SLC27A4: variants seen among roughly 807,000 people sequenced by gnomAD.
SLC27A4 encodes long-chain fatty acid transport protein 4.
Under a neutral mutation model 64.4 loss-of-function variants are expected in SLC27A4, and 33 were observed. That is an observed-to-expected ratio of 0.51 (90% CI 0.39 to 0.68). The LOEUF is 0.68. Among genes scored for constraint, SLC27A4 ranks in the 30% least tolerant of loss-of-function variants. SLC27A4 has a pLI of 0.00. For missense variants in SLC27A4, 824 were observed against 883.5 expected, an observed-to-expected ratio of 0.93 and a Z score of 0.85; for synonymous variants, 377 against 370.0, an observed-to-expected ratio of 1.02 and a Z score of -0.22.
intron 7 of SLC27A4, 31 bp downstream of exon 7, chr9:128,352,778 C>T: frequency 1.3e-6 from 2 of 1,527,738 alleles, no homozygotes; most frequent in African/African-American, 1.4e-5. Context: ...TGAGCTGTCC[C>T]TTTCCCCTAG....
Position 128,355,504 on chromosome 9 carries a change from C to T in SLC27A4, c.1569C>T (p.Gly523=), listed in dbSNP as rs746482901. 2.5e-6 allele frequency: 4 copies of T among 1,613,298 alleles called. No individual in the cohort carries two copies. In the East Asian group the frequency reaches 8.9e-5, roughly 36 times the overall value. Residue 523 remains glycine, a synonymous_variant, in exon 11 of 13, where the codon GGC becomes GGT. Coordinates refer to ENST00000300456, the MANE Select transcript of SLC27A4 (RefSeq NM_005094.4). ...ACGTGTCCACCACCGAGGTGGAAGG[C>T]ACACTCAGCCGCCTGCTGGACATGG... ...GENVSTTEVE[G]TLSRLLDMAD... is the part of the protein sequence containing the mutation.
chr9:128,352,175 A>G (rs1296022653), intron 6 of SLC27A4, among the ~76,000 whole-genome samples: 3 of 151,788 alleles, frequency 2.0e-5, no homozygotes, highest in African/African-American at 7.3e-5. Context: ...AGGCTGGGCG[A>G]CAGAGCGAGA....
At position 128,352,724 on chromosome 9, in the gene SLC27A4, G is replaced by A. The variant is rs772605722; in HGVS notation, c.964G>A (p.Asp322Asn). 1.1e-5 allele frequency: 17 copies of A among 1,613,868 alleles called. No homozygotes were observed. Among genetic ancestry groups the A allele is most frequent in the Admixed American group, 1.7e-5 (1 of 60,026 alleles). The change falls in exon 7 of 13, where the codon GAT becomes AAT. Residue 322 changes from aspartate to asparagine, a missense_variant. Transcript: ENST00000300456. ...KKFSASRFWDDCIKYNCTIVQ... is the reference protein window; with the variant it reads ...KKFSASRFWDNCIKYNCTIVQ... ...GTTCTCAGCCTCCCGGTTCTGGGAC[G>A]ATTGTATCAAGTACAACTGCACGGT... is the stretch of plus-strand genomic sequence containing the variant.
In SLC27A4 at chr9:128,350,595, A is replaced by G. The variant is rs1242031927; in HGVS notation, c.877+20A>G. 1.3e-6 allele frequency: 2 copies of G among 1,586,178 alleles called. No individual in the cohort carries two copies. The highest frequency in any genetic ancestry group is 8.6e-7 in the Non-Finnish European group (1 of 1,159,448). On this transcript the variant is annotated intron_variant, in intron 6 of 12. Coordinates refer to ENST00000300456, the MANE Select transcript of SLC27A4 (RefSeq NM_005094.4). Reference sequence around the variant, plus strand: ...CAGCAGGTAACTCTAGGGCTGTCACACAGCCTCCAGCACCTGCCAGGTCTC... The same window carrying G: ...CAGCAGGTAACTCTAGGGCTGTCACGCAGCCTCCAGCACCTGCCAGGTCTC...
chr9:128,354,960 A>AG (rs1267602166), intron 9 of SLC27A4, 93 bp from the exon 10 acceptor site: 5 of 1,295,430 alleles, frequency 3.9e-6, no homozygotes, highest in Admixed American at 5.6e-5. Context: ...TCTCAAAAAA[A>AG]AAAAAAAAAA....
At chr9:128,344,952 G>A (rs577738452) in intron 2 of SLC27A4, among the ~76,000 whole-genome samples, 1 of 152,170 alleles carries the variant, frequency 6.6e-6, no homozygotes, top group East Asian at 1.9e-4. Context: ...TGTGTAAGGG[G>A]AGGGGAATCA....
chr9:128,341,261 C>T (rs1041952530), intron 1 of SLC27A4, among the ~76,000 whole-genome samples: 2 of 152,170 alleles, frequency 1.3e-5, no homozygotes, highest in Admixed American at 1.3e-4. Flanking sequence ...GGCTTGGAGG[C>T]TCTCAGGCCA....
chr9:128,349,697 T>A (rs918520720), intron 4 of SLC27A4, among the ~76,000 whole-genome samples: 3 of 152,154 alleles, frequency 2.0e-5, no homozygotes, highest in African/African-American at 7.2e-5. Context: ...AGTCTGCCTG[T>A]GGAGTTCCTG....
rs372416208 is a variant in SLC27A4 at position 128,353,510 on chromosome 9, G to A, written c.1293G>A (p.Gly431=). Residue 431 remains glycine, a synonymous_variant, in exon 9 of 13, where the codon GGG becomes GGA. Transcript: ENST00000300456. This position sits in a 1 kb window ranked among gnomAD's most constrained non-coding sequence, Gnocchi z 4.9. The part of the protein sequence containing the change: ...VNEDTMELIR[G]PDGVCIPCQP... Reference sequence around the variant, plus strand: ...AGGACACCATGGAGCTGATCCGGGGGCCCGACGGCGTCTGCATTCCCTGCC... The same window carrying A: ...AGGACACCATGGAGCTGATCCGGGGACCCGACGGCGTCTGCATTCCCTGCC... 4.4e-5 allele frequency: 71 copies of A among 1,613,974 alleles called. No individual in the cohort carries two copies. Among genetic ancestry groups the A allele is most frequent in the Non-Finnish European group, 5.7e-5 (67 of 1,180,032 alleles).
chr9:128,360,686 C>CATGTCCAAGTTCCGTCTT lies in SLC27A4; in HGVS notation c.*196_*213dup. The CATGTCCAAGTTCCGTCTT allele has an allele frequency of 1.6e-6, 1 of 613,058 alleles. No individual in the cohort carries two copies. The highest frequency in any genetic ancestry group is 2.9e-6 in the Non-Finnish European group (1 of 349,252). The allele number at this position is 613,058 out of a possible 1,614,324, so 38.0% of individuals were successfully genotyped here. On this transcript the variant is annotated 3_prime_UTR_variant, in exon 13 of 13. Transcript: ENST00000300456. The stretch of plus-strand genomic sequence containing the variant: ...TTCCAGAGGCTTTCTGTGAAAGTCT[C>CATGTCCAAGTTCCGTCTT]ATGTCCAAGTTCCGTCTTCTGGGCT...
At chr9:128,358,320 G>C (rs1186958619) in intron 12 of SLC27A4, among the ~76,000 whole-genome samples, 1 of 152,236 alleles carries the variant, frequency 6.6e-6, no homozygotes, top group Non-Finnish European at 1.5e-5. Flanking sequence ...GGTTTCTGCT[G>C]TCCAACACAG....
intron 10 of SLC27A4, 80 bp from the exon 11 acceptor site, chr9:128,355,318 C>G: frequency 6.2e-7 from 1 of 1,603,726 alleles, no homozygotes; most frequent in Non-Finnish European, 8.5e-7. Context: ...AATCCTTGGG[C>G]TCCAGCAAAG....
chr9:128,346,408 G>C (rs1269783046), intron 3 of SLC27A4, among the ~76,000 whole-genome samples: 1 of 150,938 alleles, frequency 6.6e-6, no homozygotes, highest in African/African-American at 2.4e-5. Flanking sequence ...TAATTTTTTT[G>C]TATTTTTAGT....
intron 6 of SLC27A4, 94 bp downstream of exon 6, chr9:128,350,669 C>A: frequency 2.9e-6 from 3 of 1,027,952 alleles, no homozygotes; most frequent in Non-Finnish European, 4.4e-6. Context: ...AAACACACAG[C>A]TTTGGGCCAG....
intron 2 of SLC27A4, among the ~76,000 whole-genome samples, chr9:128,344,301 T>C (rs193235468): frequency 6.6e-6 from 1 of 152,204 alleles, no homozygotes; most frequent in Admixed American, 6.5e-5. Flanking sequence ...GTGGATCACT[T>C]GACCTCAGGA....
Position 128,345,397 on chromosome 9 carries a change from A to G in SLC27A4, c.404A>G (p.Asn135Ser). 6.2e-7 allele frequency: 1 copy of G among 1,613,702 alleles called. No homozygotes were observed. The highest frequency in any genetic ancestry group is 1.3e-5 in the African/African-American group (1 of 75,006). Residue 135 changes from asparagine to serine, a missense_variant, in exon 3 of 13, where the codon AAC (asparagine) becomes AGC (serine). Coordinates refer to ENST00000300456, the MANE Select transcript of SLC27A4 (RefSeq NM_005094.4). This position sits in a 1 kb window ranked among gnomAD's most constrained non-coding sequence, Gnocchi z 4.1. ...SGDVAAIFMENRNEFVGLWLG... is the reference protein window; with the variant it reads ...SGDVAAIFMESRNEFVGLWLG... Reference sequence around the variant, plus strand: ...GATGTGGCTGCCATCTTCATGGAGAACCGCAATGAGTTCGTGGGCCTATGG... The same window carrying G: ...GATGTGGCTGCCATCTTCATGGAGAGCCGCAATGAGTTCGTGGGCCTATGG...
At chr9:128,354,974 A>AT in intron 9 of SLC27A4, 79 bp from the exon 10 acceptor site, 38 of 1,224,278 alleles carry the variant, frequency 3.1e-5, no homozygotes, top group Non-Finnish European at 3.8e-5. Flanking sequence ...AAAAAAAAAA[A>AT]GACGCAGGGT....
intron 2 of SLC27A4, among the ~76,000 whole-genome samples, chr9:128,344,691 A>G (rs1449797383): frequency 6.6e-6 from 1 of 152,054 alleles, no homozygotes; most frequent in Non-Finnish European, 1.5e-5. Context: ...AGACCAGCAA[A>G]CTCATTCATT....
At chr9:128,348,448 A>G in intron 3 of SLC27A4, 97 bp from the exon 4 acceptor site, 1 of 1,478,408 alleles carries the variant, frequency 6.8e-7, no homozygotes, top group Non-Finnish European at 9.4e-7. Context: ...CTGCCCAGCC[A>G]GTATCCTCAG....
Sources: allele counts gnomAD v4.1 joint callset (sites outside exome capture counted in the v4.1 genomes callset), GRCh38; gene constraint gnomAD v4.1.1; non-coding constraint Gnocchi (gnomAD v3.1); transcripts MANE v1.5; gene names NCBI Gene and HGNC (gene_info 2026-07-23, HGNC 2026-07-21).